Variants in AP1M1 observed in about 807,000 individuals in gnomAD.
AP1M1 encodes adaptor related protein complex 1 subunit mu 1.
Under a neutral mutation model 57.1 loss-of-function variants are expected in AP1M1, and 18 were observed. The ratio of observed to expected loss-of-function variants is 0.32; its 90% confidence interval spans 0.22 to 0.47. The LOEUF is 0.47. Ranked by LOEUF, AP1M1 falls within the 20% of genes least tolerant of loss-of-function variation. The pLI is 1.00. For synonymous variants in AP1M1, 241 were observed against 237.9 expected (o/e 1.01, Z -0.12); for missense variants, 362 against 593.5 (o/e 0.61, Z 4.05).
rs1238200264 is a variant in AP1M1, at chr19:16,241,399, T to A, written c.*6964T>A. 6.6e-6 allele frequency: 1 copy of A among 151,716 alleles called. No homozygotes were observed. The highest frequency in any genetic ancestry group is 2.4e-5 in the African/African-American group (1 of 41,314). 9.4% of individuals were successfully genotyped at this position (151,716 alleles called of 1,614,324 possible). A position where few individuals can be genotyped will look rare whatever the true frequency, so the allele number is the denominator to read the frequency against. On this transcript the variant is annotated 3_prime_UTR_variant, in exon 12 of 12. Coordinates refer to ENST00000291439, the MANE Select transcript of AP1M1 (RefSeq NM_032493.4). ...GTGTACATAAGGAAAGGAAGAAAGA[T>A]GTGAGAAGGAATGCCGGAAAACCTT...
intron 9 of AP1M1, among the ~76,000 whole-genome samples, chr19:16,233,055 T>C (rs1348899351): frequency 6.6e-6 from 1 of 152,220 alleles, no homozygotes; most frequent in African/African-American, 2.4e-5. Flanking sequence ...TTTCACATGC[T>C]GTTCTGAGAC....
rs2091611151 is a variant in AP1M1, at chr19:16,233,985, CCA to C, written c.1174-211_1174-210del. ...AGGCTGCTGAGGCCGTGTCTGCAAG[CCA>C]CATCCTGGCTGCTCACCACTTCCAG... On this transcript the variant is annotated intron_variant, in intron 10 of 11. Transcript: ENST00000291439. The C allele has an allele frequency of 1.9e-5, 11 of 588,354 alleles. No individual in the cohort carries two copies. The South Asian group carries it at 2.6e-4, about 14-fold the overall frequency. The allele number at this position is 588,354 out of a possible 1,614,324, so 36.4% of individuals were successfully genotyped here. A position where few individuals can be genotyped will look rare whatever the true frequency, so the allele number is the denominator to read the frequency against.
chr19:16,226,624 G>A (rs2091572447), intron 6 of AP1M1, 77 bp downstream of exon 6: 2 of 1,477,520 alleles, frequency 1.4e-6, no homozygotes, highest in East Asian at 2.5e-5. Context: ...GGGCAGGGTT[G>A]GGCCAGGCGG....
intron 5 of AP1M1, among the ~76,000 whole-genome samples, chr19:16,218,624 GCA>G (rs2091529077): frequency 6.6e-6 from 1 of 152,218 alleles, no homozygotes; most frequent in Non-Finnish European, 1.5e-5. Flanking sequence ...GCACCTGTCT[GCA>G]CAGTGTCCCT....
rs1009716904 is a variant in AP1M1, at chr19:16,240,770, G to A, written c.*6335G>A. ...CAGCCTGAAAATCTTGAAATTTTAA[G>A]ATCCAGGAAACCGTTGAGTCCAAAG... On this transcript the variant is annotated 3_prime_UTR_variant, in exon 12 of 12. Coordinates refer to ENST00000291439, the MANE Select transcript of AP1M1 (RefSeq NM_032493.4). 2 of 152,048 alleles carry A rather than the reference G, an allele frequency of 1.3e-5. No individual in the cohort carries two copies. The highest frequency in any genetic ancestry group is 2.9e-5 in the Non-Finnish European group (2 of 68,030). The allele number at this position is 152,048 out of a possible 1,614,324, so 9.4% of individuals were successfully genotyped here.
rs1416140078 is a variant in AP1M1, at chr19:16,235,119, C to T, written c.*684C>T. The stretch of plus-strand genomic sequence containing the variant: ...GGACTCGCAGGCCTCGCCTGTGGCG[C>T]CTTCCCAGGGCCAGCCTGGGTCACG... On this transcript the variant is annotated 3_prime_UTR_variant, in exon 12 of 12. Coordinates refer to ENST00000291439, the MANE Select transcript of AP1M1 (RefSeq NM_032493.4). 6.6e-6 allele frequency: 1 copy of T among 152,442 alleles called. No homozygotes were observed. Among genetic ancestry groups the T allele is most frequent in the African/African-American group, 2.4e-5 (1 of 41,464 alleles). The allele number at this position is 152,442 out of a possible 1,614,324, so 9.4% of individuals were successfully genotyped here.
rs545139621 is a variant in AP1M1, at chr19:16,222,721, T to C, written c.547-3700T>C. 7.3e-5 allele frequency among the ~76,000 whole-genome samples: 11 copies of C among 151,590 alleles called. 1 individual carries two copies. The South Asian group carries it at 1.9e-3, about 26-fold the overall frequency. On this transcript the variant is annotated intron_variant, in intron 5 of 11. Coordinates refer to ENST00000291439, the MANE Select transcript of AP1M1 (RefSeq NM_032493.4). The stretch of plus-strand genomic sequence containing the variant: ...CTCGTGTGTTCAAGTGATCTTCCCA[T>C]CTGAGTGTGCTGAGTAGCTGAGACC...
intron 5 of AP1M1, among the ~76,000 whole-genome samples, chr19:16,219,977 T>A (rs1318534024): frequency 2.9e-5 from 3 of 101,850 alleles, no homozygotes; most frequent in Non-Finnish European, 6.6e-5. Flanking sequence ...GTTGGAGATT[T>A]TTGGATCTAC....
chr19:16,229,275 A>G (rs150414623), intron 9 of AP1M1, among the ~76,000 whole-genome samples: 3 of 152,330 alleles, frequency 2.0e-5, no homozygotes, highest in Admixed American at 6.5e-5. Flanking sequence ...CCACACTGGC[A>G]GGTCCAAGGC....
intron 5 of AP1M1, among the ~76,000 whole-genome samples, chr19:16,225,599 C>T (rs931126128): frequency 6.6e-6 from 1 of 152,192 alleles, no homozygotes; most frequent in Non-Finnish European, 1.5e-5. Flanking sequence ...AGATGCATCT[C>T]GGCATGCGCA....
At chr19:16,199,813 C>T (rs1197761149) in intron 1 of AP1M1, among the ~76,000 whole-genome samples, 1 of 152,164 alleles carries the variant, frequency 6.6e-6, no homozygotes, top group East Asian at 1.9e-4. Context: ...GCCACTGCCT[C>T]CCCAGAGGTG....
chr19:16,214,052 C>CTTT (rs71178658), intron 5 of AP1M1, among the ~76,000 whole-genome samples: 88,940 of 139,274 alleles, frequency 0.64, 30,453 homozygotes, highest in Non-Finnish European at 0.78. Flanking sequence ...TTTCCTTTTT[C>CTTT]TTTTTTTTTT....
intron 1 of AP1M1, among the ~76,000 whole-genome samples, chr19:16,201,846 C>T (rs285267): frequency 0.015 from 2,335 of 152,268 alleles, 57 homozygotes; most frequent in African/African-American, 0.053. Context: ...ACCAGGGCAG[C>T]GCAGGCAGAG....
At chr19:16,232,793 G>A (rs2091604738) in intron 9 of AP1M1, among the ~76,000 whole-genome samples, 1 of 152,242 alleles carries the variant, frequency 6.6e-6, no homozygotes, top group South Asian at 2.1e-4. Flanking sequence ...AGCCAGAGCT[G>A]AGATCGTGCC....
intron 1 of AP1M1, among the ~76,000 whole-genome samples, chr19:16,202,367 G>T (rs1178322297): frequency 6.6e-6 from 1 of 152,134 alleles, no homozygotes; most frequent in African/African-American, 2.4e-5. Flanking sequence ...CAAAACTTCC[G>T]ACCTCCTTTT....
At chr19:16,213,643 C>T (rs549209666) in intron 5 of AP1M1, among the ~76,000 whole-genome samples, 283 of 152,106 alleles carry the variant, frequency 1.9e-3, no homozygotes, top group African/African-American at 5.5e-3. Flanking sequence ...TACAGGCACG[C>T]GCCACCACGC....
At position 16,207,976 on chromosome 19, in the gene AP1M1, A is replaced by G. The variant is rs934472618; in HGVS notation, c.268-43A>G. On this transcript the variant is annotated intron_variant, in intron 3 of 11. Transcript: ENST00000291439. This position sits in a 1 kb window ranked among gnomAD's most constrained non-coding sequence, Gnocchi z 4.2. Reference sequence around the variant, plus strand: ...CATTCATTCCTCATCCGTCCGCTCAATGATCTGCCTCCCATTCCTCCCTCC... The same window carrying G: ...CATTCATTCCTCATCCGTCCGCTCAGTGATCTGCCTCCCATTCCTCCCTCC... 5.0e-6 allele frequency: 8 copies of G among 1,589,916 alleles called. No individual in the cohort carries two copies. The highest frequency in any genetic ancestry group is 6.8e-6 in the Non-Finnish European group (8 of 1,168,390).
chr19:16,201,786 G>C (rs2145111446), intron 1 of AP1M1, among the ~76,000 whole-genome samples: 1 of 152,326 alleles, frequency 6.6e-6, no homozygotes, highest in South Asian at 2.1e-4. Context: ...GGTGGGAACA[G>C]ATGTGGATCA....
Position 16,238,997 on chromosome 19 carries a change from G to C in AP1M1, c.*4562G>C, listed in dbSNP as rs904704731. The C allele has an allele frequency of 2.6e-5, 4 of 151,226 alleles. No individual in the cohort carries two copies. The highest frequency in any genetic ancestry group is 9.8e-5 in the African/African-American group (4 of 40,930). The allele number at this position is 151,226 out of a possible 1,614,324, so 9.4% of individuals were successfully genotyped here. ...TGCCCAGGCTGGAGTGCAATGGTGTGATCTCGGCTCACTGCAACCTCCGCC... is the reference window on the plus strand; with the variant it reads ...TGCCCAGGCTGGAGTGCAATGGTGTCATCTCGGCTCACTGCAACCTCCGCC... On this transcript the variant is annotated 3_prime_UTR_variant, in exon 12 of 12. Transcript: ENST00000291439.
Sources: gnomAD v4.1 joint callset for allele counts (sites outside exome capture counted in the v4.1 genomes callset) on GRCh38, gnomAD v4.1.1 for gene constraint, Gnocchi (gnomAD v3.1) non-coding constraint, MANE v1.5 for transcripts, NCBI Gene and HGNC (gene_info 2026-07-23, HGNC 2026-07-21) for gene names.